The following PDGFD variants were observed in gnomAD, a reference collection of about 807,000 sequenced individuals.
PDGFD encodes the protein platelet derived growth factor D.
A neutral mutation model predicts 44.7 loss-of-function variants in PDGFD; 30 were observed. That is an observed-to-expected ratio of 0.67 (90% CI 0.50 to 0.91). The LOEUF is 0.91. PDGFD is among the 40% of genes least tolerant of loss of function. The pLI, the probability that PDGFD is intolerant of heterozygous loss-of-function variation, is 0.00. For synonymous variants in PDGFD, 173 were observed against 168.4 expected (o/e 1.03, Z -0.21); for missense variants, 445 against 457.8 (o/e 0.97, Z 0.25).
chr11:104,000,091 T>C lies in PDGFD; in HGVS notation c.289A>G (p.Asn97Asp). The C allele has an allele frequency of 6.2e-7, 1 of 1,614,134 alleles. No homozygotes were observed. Among genetic ancestry groups the C allele is most frequent in the Non-Finnish European group, 8.5e-7 (1 of 1,180,012 alleles). Residue 97 changes from asparagine (N) to aspartate (D), a missense_variant, in exon 2 of 7, where the codon AAT (asparagine) becomes GAT (aspartate). Physicochemically the swap from Asn to Asp is conservative, Grantham distance 23. Transcript: ENST00000393158. ...TCTGCTTCCTCTAATCCAAACTGATTGTCAAACACTAGCTGTATCCGTGTA... is the reference window on the plus strand; with the variant it reads ...TCTGCTTCCTCTAATCCAAACTGATCGTCAAACACTAGCTGTATCCGTGTA... ...ENTRIQLVFD[N>D]QFGLEEAEND...
intron 1 of PDGFD, among the ~76,000 whole-genome samples, chr11:104,049,670 G>A (rs891528626): frequency 2.6e-5 from 4 of 152,066 alleles, no homozygotes; most frequent in African/African-American, 9.7e-5. Context: ...GCCCAAGAAA[G>A]ATAAACCAAT....
chr11:104,156,922 T>C (rs771322244), intron 1 of PDGFD, among the ~76,000 whole-genome samples: 1 of 152,248 alleles, frequency 6.6e-6, no homozygotes, highest in Non-Finnish European at 1.5e-5. Context: ...GCTGCACCTC[T>C]GGTCTTGGAT....
chr11:104,034,645 CTTTT>C (rs35283366), intron 1 of PDGFD, among the ~76,000 whole-genome samples: 1 of 143,716 alleles, frequency 7.0e-6, no homozygotes, highest in Non-Finnish European at 1.5e-5. Flanking sequence ...GTGCAAAACA[CTTTT>C]TTTTTTTTTT....
chr11:103,975,962 T>C (rs562042830), intron 3 of PDGFD, among the ~76,000 whole-genome samples: 2 of 152,316 alleles, frequency 1.3e-5, no homozygotes, highest in African/African-American at 4.8e-5. Context: ...TGCTTAGGAT[T>C]GTCTTGGCTA....
At chr11:103,917,522 T>C (rs1858145725) in intron 6 of PDGFD, among the ~76,000 whole-genome samples, 1 of 152,236 alleles carries the variant, frequency 6.6e-6, no homozygotes, top group African/African-American at 2.4e-5. Context: ...CCTTTTAGAT[T>C]CTAAACTTGG....
chr11:104,163,307 C>T (rs1308717712), intron 1 of PDGFD, among the ~76,000 whole-genome samples: 1 of 152,122 alleles, frequency 6.6e-6, no homozygotes, highest in Non-Finnish European at 1.5e-5. Context: ...GTCACTGTTC[C>T]AGATATAACT....
intron 1 of PDGFD, among the ~76,000 whole-genome samples, chr11:104,060,253 C>T (rs558958758): frequency 1.4e-4 from 22 of 152,320 alleles, no homozygotes; most frequent in South Asian, 4.1e-4. Flanking sequence ...AGATCAGCAA[C>T]TCAGAGAGGT....
intron 3 of PDGFD, among the ~76,000 whole-genome samples, chr11:103,991,400 T>C (rs1383503844): frequency 1.3e-5 from 2 of 152,178 alleles, no homozygotes; most frequent in East Asian, 3.8e-4. Flanking sequence ...AAAACCATTC[T>C]TCATTTGAGT....
intron 5 of PDGFD, among the ~76,000 whole-genome samples, chr11:103,930,816 G>T (rs1398863529): frequency 6.6e-6 from 1 of 152,200 alleles, no homozygotes; most frequent in Non-Finnish European, 1.5e-5. Flanking sequence ...ACCCAAGCAC[G>T]AGCAGCTGTG....
intron 6 of PDGFD, among the ~76,000 whole-genome samples, chr11:103,912,535 G>A (rs1338827233): frequency 6.6e-6 from 1 of 152,156 alleles, no homozygotes; most frequent in East Asian, 1.9e-4. Context: ...ATCCCAAATT[G>A]TAAAGACCAT....
intron 5 of PDGFD, among the ~76,000 whole-genome samples, chr11:103,934,102 A>T (rs2200659): frequency 0.026 from 3,894 of 152,338 alleles, 174 homozygotes; most frequent in African/African-American, 0.089. Flanking sequence ...TTTGCAGCCA[A>T]CAAGGCCAAG....
rs999145572 is a variant in PDGFD, at chr11:104,164,023, G to C, written c.-96C>G. On this transcript the variant is annotated 5_prime_UTR_variant, in exon 1 of 7. Coordinates refer to ENST00000393158, the MANE Select transcript of PDGFD (RefSeq NM_025208.5). ...GCCGCCCTGCGCTCTCGCCGCCTGC[G>C]CTCGCCCTGCGCTGGCCCGGGTCGC... The C allele has an allele frequency of 3.0e-5, 41 of 1,350,806 alleles. No individual in the cohort carries two copies. The highest frequency in any genetic ancestry group is 3.8e-5 in the Non-Finnish European group (39 of 1,015,324). 83.7% of individuals were successfully genotyped at this position (1,350,806 alleles called of 1,614,324 possible).
At chr11:104,120,423 A>C (rs893407332) in intron 1 of PDGFD, among the ~76,000 whole-genome samples, 2 of 152,010 alleles carry the variant, frequency 1.3e-5, no homozygotes, top group Admixed American at 6.6e-5. Flanking sequence ...TAAAATTGTC[A>C]TTCCTAGTTT....
Position 103,922,705 on chromosome 11 carries a change from C to G in PDGFD, c.987+4207G>C, listed in dbSNP as rs1591077545. On this transcript the variant is annotated intron_variant, in intron 6 of 6. Coordinates refer to ENST00000393158, the MANE Select transcript of PDGFD (RefSeq NM_025208.5). Reference sequence around the variant, plus strand: ...GCTCAGACCACAGACACATCCTCCACACTTGGCTACTTAAAAATAATTCCT... The same window carrying G: ...GCTCAGACCACAGACACATCCTCCAGACTTGGCTACTTAAAAATAATTCCT... Among the ~76,000 whole-genome samples the G allele has an allele frequency of 2.0e-5, 3 of 152,094 alleles. No individual in the cohort carries two copies. In the South Asian group the frequency reaches 6.2e-4, roughly 32 times the overall value.
intron 1 of PDGFD, among the ~76,000 whole-genome samples, chr11:104,065,711 G>A (rs1860781113): frequency 6.6e-6 from 1 of 152,178 alleles, no homozygotes; most frequent in South Asian, 2.1e-4. Flanking sequence ...TAATGTTTGT[G>A]TAATCTTTGT....
chr11:103,965,143 C>A (rs901782), intron 3 of PDGFD, among the ~76,000 whole-genome samples: 107,028 of 151,920 alleles, frequency 0.7, 37,910 homozygotes, highest in South Asian at 0.8. Flanking sequence ...TGATATACAG[C>A]CACTGAACAA....
At chr11:104,080,170 G>A (rs1861023665) in intron 1 of PDGFD, among the ~76,000 whole-genome samples, 2 of 152,274 alleles carry the variant, frequency 1.3e-5, no homozygotes, top group Admixed American at 1.3e-4. Context: ...ATTAAAATCT[G>A]TTGTTAGCAC....
intron 4 of PDGFD, among the ~76,000 whole-genome samples, chr11:103,944,044 T>G (rs1462282997): frequency 6.6e-6 from 1 of 152,118 alleles, no homozygotes; most frequent in Non-Finnish European, 1.5e-5. Context: ...CACATTAGTT[T>G]TGATAATTAA....
chr11:104,101,177 T>C (rs1023786639), intron 1 of PDGFD, among the ~76,000 whole-genome samples: 2 of 152,132 alleles, frequency 1.3e-5, no homozygotes, highest in Non-Finnish European at 2.9e-5. Context: ...TGTTTGCAGA[T>C]GACATGATTG....
Sources: allele counts gnomAD v4.1 joint callset (sites outside exome capture counted in the v4.1 genomes callset), GRCh38; gene constraint gnomAD v4.1.1; transcripts MANE v1.5; gene names NCBI Gene and HGNC (gene_info 2026-07-23, HGNC 2026-07-21).